Variants in FGF14 observed in about 807,000 individuals in gnomAD.
FGF14 encodes fibroblast growth factor 14.
A neutral mutation model predicts 25.5 loss-of-function variants in FGF14; 5 were observed. The ratio of observed to expected loss-of-function variants is 0.20; its 90% CI spans 0.10 to 0.41. The LOEUF is 0.41. Among genes scored for constraint, FGF14 ranks in the 10% least tolerant of loss-of-function variants. FGF14 has a pLI of 1.00. For missense variants in FGF14, 222 were observed against 320.1 expected (o/e 0.69, Z 2.34); for synonymous variants, 138 against 118.3 (o/e 1.17, Z -1.08).
chr13:101,728,647 A>G (rs2035602114), intron 3 of FGF14, among the ~76,000 whole-genome samples: 1 of 130,010 alleles, frequency 7.7e-6, no homozygotes, highest in African/African-American at 2.7e-5. Context: ...TTGGCATTTC[A>G]CTTGTCTTTT....
rs1220968608 is a variant in FGF14 at position 101,719,418 on chromosome 13, G to GCAAA, written c.*3409_*3412dup. ...TGCTACCCAAAAACATTCAGGACAA[G>GCAAA]CAAACATTTAGAGCAAGAATCTCCA... is the stretch of plus-strand genomic sequence containing the variant. On this transcript the variant is annotated 3_prime_UTR_variant, in exon 5 of 5. Coordinates refer to ENST00000376143, the MANE Select transcript of FGF14 (RefSeq NM_004115.4). The GCAAA allele has an allele frequency of 2.7e-5, 4 of 150,032 alleles. No homozygotes were observed. In the South Asian group the frequency reaches 8.6e-4, roughly 32 times the overall value. The allele number at this position is 150,032 out of a possible 1,614,324, so 9.3% of individuals were successfully genotyped here.
chr13:101,913,173 T>C (rs184364169), intron 1 of FGF14, among the ~76,000 whole-genome samples: 4 of 152,326 alleles, frequency 2.6e-5, no homozygotes, highest in African/African-American at 4.8e-5. Context: ...GAGAAGATGC[T>C]AGACACACAG....
At chr13:101,989,234 A>G (rs912255285) in intron 1 of FGF14, among the ~76,000 whole-genome samples, 6 of 152,098 alleles carry the variant, frequency 3.9e-5, no homozygotes, top group African/African-American at 1.4e-4. Flanking sequence ...TGTTATTTAT[A>G]AATTTTACTT....
chr13:102,067,881 C>G (rs2042970390), intron 1 of FGF14, among the ~76,000 whole-genome samples: 1 of 151,958 alleles, frequency 6.6e-6, no homozygotes, highest in African/African-American at 2.4e-5. Flanking sequence ...TCCCAAAGGT[C>G]AAAGACAAAG....
In FGF14 at chr13:102,244,639, A is replaced by G. The variant is rs370332325; in HGVS notation, c.208+156832T>C. Among the ~76,000 whole-genome samples the G allele has an allele frequency of 1.2e-3, 177 of 152,134 alleles. 2 individuals are homozygous for G. The highest frequency in any genetic ancestry group is 4.0e-3 in the African/African-American group (165 of 41,542). ...ATACAATGAGCTGAATATTTTAATCAGGTGAAGATCAGGGTGCCATTTTAA... is the reference window on the plus strand; with the variant it reads ...ATACAATGAGCTGAATATTTTAATCGGGTGAAGATCAGGGTGCCATTTTAA... On this transcript the variant is annotated intron_variant, in intron 1 of 4. Transcript: ENST00000376131.
intron 1 of FGF14, among the ~76,000 whole-genome samples, chr13:102,336,652 T>C (rs2056796724): frequency 6.6e-6 from 1 of 152,190 alleles, no homozygotes; most frequent in African/African-American, 2.4e-5. Context: ...GGAAATGCCA[T>C]CTAGGACTTT....
chr13:102,021,824 C>A (rs2040668211), intron 1 of FGF14, among the ~76,000 whole-genome samples: 1 of 151,934 alleles, frequency 6.6e-6, no homozygotes, highest in Admixed American at 6.6e-5. Context: ...CTTTTTAGAT[C>A]ATATAAAAGA....
At chr13:102,335,024 T>A in intron 1 of FGF14, among the ~76,000 whole-genome samples, 1 of 152,188 alleles carries the variant, frequency 6.6e-6, no homozygotes. Context: ...TTTTCCCGTC[T>A]ATACCCTCTT....
chr13:102,244,835 C>T (rs1566857085), intron 1 of FGF14, among the ~76,000 whole-genome samples: 2 of 152,066 alleles, frequency 1.3e-5, no homozygotes, highest in Non-Finnish European at 2.9e-5. Flanking sequence ...GGAAGAACCA[C>T]ATGTTTCTGT....
intron 1 of FGF14, among the ~76,000 whole-genome samples, chr13:102,258,228 T>A (rs915266870): frequency 6.6e-6 from 1 of 152,126 alleles, no homozygotes; most frequent in Admixed American, 6.5e-5. Context: ...GTGGGAATTA[T>A]GGGAACTACA....
chr13:102,291,914 A>G (rs147877631), intron 1 of FGF14, among the ~76,000 whole-genome samples: 100 of 152,196 alleles, frequency 6.6e-4, no homozygotes, highest in African/African-American at 2.2e-3. Context: ...TGTGGTGCCT[A>G]CTTGGACTTA....
intron 1 of FGF14, among the ~76,000 whole-genome samples, chr13:102,200,058 C>T (rs977603780): frequency 2.6e-5 from 4 of 152,186 alleles, no homozygotes; most frequent in African/African-American, 7.2e-5. Flanking sequence ...CATGTGGCCT[C>T]AGTGTTGTCA....
chr13:101,916,698 G>A lies in FGF14; in HGVS notation c.-53C>T. ...GGAGGGCGCGGGAGGACGGCGAGCC[G>A]GGGGCACCGGAGGGGAAGGCGGCGG... On this transcript the variant is annotated 5_prime_UTR_variant, in exon 1 of 5. Coordinates refer to ENST00000376143, the MANE Select transcript of FGF14 (RefSeq NM_004115.4). 2.8e-6 allele frequency: 4 copies of A among 1,422,072 alleles called. No individual in the cohort carries two copies. Among genetic ancestry groups the A allele is most frequent in the East Asian group, 2.5e-5 (1 of 39,462 alleles). 88.1% of individuals were successfully genotyped at this position (1,422,072 alleles called of 1,614,324 possible). A position where few individuals can be genotyped will look rare whatever the true frequency, so the allele number is the denominator to read the frequency against.
chr13:101,942,234 G>A (rs1268255390), intron 1 of FGF14, among the ~76,000 whole-genome samples: 1 of 152,130 alleles, frequency 6.6e-6, no homozygotes, highest in Non-Finnish European at 1.5e-5. Flanking sequence ...GCCAGCAGTG[G>A]ACACTGTTAC....
chr13:102,175,267 T>C (rs776265801), intron 1 of FGF14, among the ~76,000 whole-genome samples: 1 of 152,054 alleles, frequency 6.6e-6, no homozygotes, highest in Non-Finnish European at 1.5e-5. Context: ...TGGATCAGAA[T>C]AGAGAACCTA....
chr13:102,136,810 C>A (rs1279089221), intron 1 of FGF14, among the ~76,000 whole-genome samples: 1 of 152,132 alleles, frequency 6.6e-6, no homozygotes, highest in African/African-American at 2.4e-5. Context: ...CCATGTTTAT[C>A]TTAACTAGCT....
At chr13:102,113,976 G>C (rs1785678873) in intron 1 of FGF14, among the ~76,000 whole-genome samples, 1 of 152,194 alleles carries the variant, frequency 6.6e-6, no homozygotes. Flanking sequence ...TTTACCTCAA[G>C]GTGAGACAGG....
At chr13:101,731,947 T>C (rs532079585) in intron 3 of FGF14, among the ~76,000 whole-genome samples, 2 of 152,308 alleles carry the variant, frequency 1.3e-5, no homozygotes, top group Admixed American at 1.3e-4. Flanking sequence ...TACTATATGG[T>C]CCTTTGCCAA....
At chr13:101,771,996 T>C (rs185934449) in intron 3 of FGF14, among the ~76,000 whole-genome samples, 140 of 152,134 alleles carry the variant, frequency 9.2e-4, no homozygotes, top group African/African-American at 3.2e-3. Flanking sequence ...AATACATAAG[T>C]AATATATTCA....
Sources: allele counts gnomAD v4.1 joint callset (sites outside exome capture counted in the v4.1 genomes callset), GRCh38; gene constraint gnomAD v4.1.1; transcripts MANE v1.5; gene names NCBI Gene and HGNC (gene_info 2026-07-23, HGNC 2026-07-21).